EXO1: variants seen among roughly 807,000 people sequenced by gnomAD.
EXO1 encodes exonuclease 1.
In EXO1, 69 loss-of-function variants were observed where a neutral mutation model predicts 84.5. The observed-to-expected ratio is 0.82, with a 90% CI of 0.67 to 1.00. EXO1 has a LOEUF of 1.00. EXO1 is among the 50% of genes least tolerant of loss of function. The probability of loss-of-function intolerance (pLI) is 0.00; values close to 1 mark genes in which losing one functional copy is unlikely to be tolerated. For missense variants in EXO1, 1,045 were observed against 1,000.7 expected (o/e 1.04, Z -0.60); for synonymous variants, 373 against 366.1 (o/e 1.02, Z -0.21).
At chr1:241,854,108 C>T (rs1304889088) in intron 6 of EXO1, among the ~76,000 whole-genome samples, 1 of 152,046 alleles carries the variant, frequency 6.6e-6, no homozygotes, top group Admixed American at 6.6e-5. Context: ...CTTTTTAGAG[C>T]CTGCTTGGTT....
intron 3 of EXO1, 56 bp downstream of exon 3, chr1:241,849,272 G>C (rs1660521618): frequency 6.6e-6 from 1 of 152,176 alleles, no homozygotes; most frequent in Non-Finnish European, 1.5e-5. Context: ...CAAACTTAAC[G>C]TTTGATAGGA....
At chr1:241,849,458 G>A (rs1660530619) in intron 3 of EXO1, among the ~76,000 whole-genome samples, 1 of 152,196 alleles carries the variant, frequency 6.6e-6, no homozygotes, top group East Asian at 1.9e-4. Context: ...TAAAGCATTT[G>A]TCTTGAAGCT....
intron 12 of EXO1, among the ~76,000 whole-genome samples, chr1:241,878,422 G>C (rs4149976): frequency 3.3e-5 from 5 of 151,698 alleles, no homozygotes; most frequent in Admixed American, 1.3e-4. Flanking sequence ...GCTTGAACCC[G>C]GGGGGCGGAG....
chr1:241,866,379 G>T (rs1408533742), intron 10 of EXO1, among the ~76,000 whole-genome samples: 1 of 152,162 alleles, frequency 6.6e-6, no homozygotes, highest in African/African-American at 2.4e-5. Context: ...CTCCCAAATT[G>T]CTGGGATTAT....
intron 10 of EXO1, among the ~76,000 whole-genome samples, chr1:241,866,125 C>T (rs972814431): frequency 2.0e-5 from 3 of 152,138 alleles, no homozygotes; most frequent in African/African-American, 7.2e-5. Context: ...CTTATATTAG[C>T]ATTAAAAGTG....
intron 10 of EXO1, among the ~76,000 whole-genome samples, chr1:241,866,182 C>T (rs763684848): frequency 3.4e-4 from 51 of 152,198 alleles, no homozygotes; most frequent in Non-Finnish European, 1.9e-4. Context: ...GAGTCTCCCT[C>T]GGCTCACTGC....
intron 3 of EXO1, 24 bp downstream of exon 3, chr1:241,849,240 A>C (rs1660515245): frequency 6.6e-6 from 1 of 152,258 alleles, no homozygotes; most frequent in African/African-American, 2.4e-5. Context: ...CTGATCCTGT[A>C]CTTTCTTTCT....
rs752911094 is a variant in EXO1, at chr1:241,878,825, A to G, written c.1591A>G (p.Thr531Ala). 2 of 1,614,064 alleles carry G rather than the reference A, an allele frequency of 1.2e-6. No homozygotes were observed. The highest frequency in any genetic ancestry group is 1.1e-5 in the South Asian group (1 of 91,074). Residue 531 changes from threonine (T) to alanine (A), a missense_variant, in exon 13 of 16, where the codon ACA becomes GCA. Thr to Ala is a moderately conservative substitution (Grantham distance 58, BLOSUM62 0). Coordinates refer to ENST00000366548, the MANE Select transcript of EXO1 (RefSeq NM_130398.4). ...SIQPLDETAVTDKENNLHESE... is the reference protein window; with the variant it reads ...SIQPLDETAVADKENNLHESE... The stretch of plus-strand genomic sequence containing the variant: ...CCAGCCTCTGGATGAAACTGCTGTC[A>G]CAGATAAAGAGAACAATCTGCATGA...
In EXO1 at chr1:241,863,620, G is replaced by A. The variant is rs1163948876; in HGVS notation, c.1041+2118G>A. 2.0e-5 allele frequency among the ~76,000 whole-genome samples: 3 copies of A among 152,182 alleles called. No individual in the cohort carries two copies. The East Asian group carries it at 5.8e-4, about 29-fold the overall frequency. ...GGAAAAGTAACCATTACTGTAAGCTGAAATAAGCCAAGCCTACCAAGAGAG... is the reference window on the plus strand; with the variant it reads ...GGAAAAGTAACCATTACTGTAAGCTAAAATAAGCCAAGCCTACCAAGAGAG... On this transcript the variant is annotated intron_variant, in intron 10 of 15. Coordinates refer to ENST00000366548, the MANE Select transcript of EXO1 (RefSeq NM_130398.4).
intron 13 of EXO1, among the ~76,000 whole-genome samples, chr1:241,879,955 C>T (rs909422074): frequency 6.7e-6 from 1 of 148,176 alleles, no homozygotes; most frequent in Non-Finnish European, 1.5e-5. Context: ...TGCAGTGAGC[C>T]GAGATTGAGC....
At chr1:241,863,569 TAACA>T (rs1389842156) in intron 10 of EXO1, among the ~76,000 whole-genome samples, 1 of 152,014 alleles carries the variant, frequency 6.6e-6, no homozygotes. Context: ...AGATGACCAC[TAACA>T]AACTGGTGAT....
At chr1:241,864,223 T>C (rs1388969734) in intron 10 of EXO1, among the ~76,000 whole-genome samples, 3 of 152,198 alleles carry the variant, frequency 2.0e-5, no homozygotes, top group Admixed American at 2.0e-4. Context: ...GGATTTGATT[T>C]GTGAATTCTC....
chr1:241,885,213 T>TAAAC, intron 14 of EXO1, 101 bp from the exon 15 acceptor site: 1 of 474,318 alleles, frequency 2.1e-6, no homozygotes, highest in Non-Finnish European at 3.0e-6. Flanking sequence ...TCTCAAAAAG[T>TAAAC]AAATAAATAA....
In EXO1 at chr1:241,881,907, G is replaced by T; in HGVS notation, c.2110-9G>T. ...AATTTTATTTTATTTTTTGATCTGGGGACTCTAGGAATCTGATTGCAATAT... is the reference window on the plus strand; with the variant it reads ...AATTTTATTTTATTTTTTGATCTGGTGACTCTAGGAATCTGATTGCAATAT... On this transcript the variant is annotated splice_polypyrimidine_tract_variant and intron_variant, in intron 13 of 15. Coordinates refer to ENST00000366548, the MANE Select transcript of EXO1 (RefSeq NM_130398.4). 2 of 1,363,350 alleles carry T rather than the reference G, an allele frequency of 1.5e-6. No individual in the cohort carries two copies. Among genetic ancestry groups the T allele is most frequent in the Non-Finnish European group, 2.1e-6 (2 of 959,612 alleles). 84.5% of individuals were successfully genotyped at this position (1,363,350 alleles called of 1,614,324 possible). A position where few individuals can be genotyped will look rare whatever the true frequency, so the allele number is the denominator to read the frequency against.
rs1448000658 is a variant in EXO1, at chr1:241,889,824, C to G, written c.*224C>G. The G allele has an allele frequency of 1.9e-6, 1 of 530,992 alleles. No individual in the cohort carries two copies. The highest frequency in any genetic ancestry group is 3.4e-6 in the Non-Finnish European group (1 of 298,264). 32.9% of individuals were successfully genotyped at this position (530,992 alleles called of 1,614,324 possible). A position where few individuals can be genotyped will look rare whatever the true frequency, so the allele number is the denominator to read the frequency against. On this transcript the variant is annotated 3_prime_UTR_variant, in exon 16 of 16. Transcript: ENST00000366548. The stretch of plus-strand genomic sequence containing the variant: ...AATAGAAGAATAATTGTATCTCTGA[C>G]AGGTTTTTGGAGGTTTTAGTGTTAA...
chr1:241,851,322 C>T (rs111797117), intron 4 of EXO1, among the ~76,000 whole-genome samples: 3 of 152,320 alleles, frequency 2.0e-5, no homozygotes, highest in African/African-American at 7.2e-5. Flanking sequence ...AGGTCCCAAT[C>T]ATTGTTCCAT....
chr1:241,864,016 A>AT (rs1313422252), intron 10 of EXO1, among the ~76,000 whole-genome samples: 2 of 152,022 alleles, frequency 1.3e-5, no homozygotes, highest in Non-Finnish European at 2.9e-5. Context: ...GAATATGATA[A>AT]TTTTTTGAAC....
chr1:241,861,760 C>T (rs1178899848), intron 10 of EXO1, among the ~76,000 whole-genome samples: 1 of 152,140 alleles, frequency 6.6e-6, no homozygotes, highest in South Asian at 2.1e-4. Flanking sequence ...TTTGAATATA[C>T]CAAGCATTTG....
At chr1:241,856,137 T>G (rs1661021175) in intron 6 of EXO1, among the ~76,000 whole-genome samples, 1 of 152,140 alleles carries the variant, frequency 6.6e-6, no homozygotes, top group African/African-American at 2.4e-5. Flanking sequence ...CTGTCACTTC[T>G]CAAAAGGATG....
Sources: allele counts gnomAD v4.1 joint callset (sites outside exome capture counted in the v4.1 genomes callset), GRCh38; gene constraint gnomAD v4.1.1; transcripts MANE v1.5; gene names NCBI Gene and HGNC (gene_info 2026-07-23, HGNC 2026-07-21).